The following KRABD5 variants were observed in gnomAD, a reference collection of about 807,000 sequenced individuals.
The protein encoded by KRABD5 is KRAB domain containing 5.
At chr16:31,757,823 AAGAT>A in the KRABD5 span, 2 of 121,796 alleles carry the variant, frequency 1.6e-5, no homozygotes, top group Non-Finnish European at 3.7e-5. Flanking sequence ...AATAGATATA[AAGAT>A]AGGTAGGTAG....
chr16:31,751,986 A>T, the KRABD5 span, among the ~76,000 whole-genome samples: 2 of 152,114 alleles, frequency 1.3e-5, no homozygotes, highest in Non-Finnish European at 2.9e-5. Context: ...AGAACTTTTA[A>T]ATTTCTGCCT....
chr16:31,716,275 G>A, the KRABD5 span, among the ~76,000 whole-genome samples: 2 of 152,206 alleles, frequency 1.3e-5, no homozygotes, highest in Non-Finnish European at 2.9e-5. Flanking sequence ...GTAAGTCAGA[G>A]CATAGCCTTG....
the KRABD5 span, among the ~76,000 whole-genome samples, chr16:31,734,716 C>T: frequency 6.6e-6 from 1 of 151,808 alleles, no homozygotes; most frequent in African/African-American, 2.4e-5. Flanking sequence ...CACTGTTATA[C>T]TCTGCTTATA....
At chr16:31,756,680 C>T in the KRABD5 span, 1 of 152,052 alleles carries the variant, frequency 6.6e-6, no homozygotes, top group Non-Finnish European at 1.5e-5. Flanking sequence ...ACTTAAATGC[C>T]ATACTTTTAA....
the KRABD5 span, among the ~76,000 whole-genome samples, chr16:31,723,798 CAT>C: frequency 1.3e-5 from 2 of 152,108 alleles, no homozygotes; most frequent in Non-Finnish European, 2.9e-5. Flanking sequence ...ATAGATGTCA[CAT>C]ATTTTCTGGT....
the KRABD5 span, among the ~76,000 whole-genome samples, chr16:31,717,039 C>G: frequency 7.7e-6 from 1 of 129,260 alleles, no homozygotes; most frequent in African/African-American, 3.0e-5. Context: ...CTGTGTTGCC[C>G]AGGCTGGAGT....
chr16:31,738,314 A>G, the KRABD5 span, among the ~76,000 whole-genome samples: 1 of 152,100 alleles, frequency 6.6e-6, no homozygotes, highest in African/African-American at 2.4e-5. Flanking sequence ...CTACTATTGT[A>G]CTGCTGGCTA....
the KRABD5 span, among the ~76,000 whole-genome samples, chr16:31,724,895 A>T: frequency 6.6e-6 from 1 of 151,838 alleles, no homozygotes; most frequent in African/African-American, 2.4e-5. Flanking sequence ...ACTTCTATGA[A>T]CTCACCTTTT....
the KRABD5 span, among the ~76,000 whole-genome samples, chr16:31,746,692 A>G: frequency 6.6e-6 from 1 of 152,194 alleles, no homozygotes; most frequent in African/African-American, 2.4e-5. Flanking sequence ...TCACCTGGAT[A>G]ATATCCTGAA....
chr16:31,741,322 A>C, the KRABD5 span, among the ~76,000 whole-genome samples: 1 of 152,228 alleles, frequency 6.6e-6, no homozygotes, highest in African/African-American at 2.4e-5. Flanking sequence ...CATTGGGTAT[A>C]TACTGAGTAA....
chr16:31,745,864 A>G, the KRABD5 span, among the ~76,000 whole-genome samples: 6 of 152,116 alleles, frequency 3.9e-5, no homozygotes, highest in Admixed American at 6.5e-5. Flanking sequence ...TCCCTTTACC[A>G]TTATGTAATA....
the KRABD5 span, among the ~76,000 whole-genome samples, chr16:31,740,530 A>G: frequency 6.6e-6 from 1 of 152,118 alleles, no homozygotes; most frequent in African/African-American, 2.4e-5. Context: ...ATATTTTGCT[A>G]GGCAGAGTGG....
chr16:31,713,378 G>A, the KRABD5 span: 4 of 1,591,692 alleles, frequency 2.5e-6, no homozygotes, highest in South Asian at 3.4e-5. Context: ...CTCTGTGACC[G>A]GCAGGCACCG....
At chr16:31,750,440 C>T in the KRABD5 span, among the ~76,000 whole-genome samples, 3 of 152,276 alleles carry the variant, frequency 2.0e-5, no homozygotes, top group Middle Eastern at 6.8e-3. Context: ...AGCCTTTTGG[C>T]ACAGTCTTTC....
the KRABD5 span, among the ~76,000 whole-genome samples, chr16:31,729,852 A>T: frequency 7.2e-5 from 11 of 152,002 alleles, no homozygotes; most frequent in African/African-American, 2.7e-4. Context: ...AAAACATCAT[A>T]TAACAGCCTA....
the KRABD5 span, among the ~76,000 whole-genome samples, chr16:31,753,253 T>C: frequency 6.6e-6 from 1 of 152,194 alleles, no homozygotes; most frequent in Admixed American, 6.5e-5. Flanking sequence ...TCCCCCTTTG[T>C]TGAGTGTCAT....
chr16:31,723,487 C>T, the KRABD5 span: 1 of 833,136 alleles, frequency 1.2e-6, no homozygotes. Context: ...ATTTCTTTCT[C>T]TTGCTGCTGT....
At chr16:31,744,317 A>G in the KRABD5 span, among the ~76,000 whole-genome samples, 1 of 152,186 alleles carries the variant, frequency 6.6e-6, no homozygotes, top group East Asian at 1.9e-4. Flanking sequence ...TAGTTTATTG[A>G]GAGTTTTTAA....
chr16:31,723,759 T>G, the KRABD5 span, among the ~76,000 whole-genome samples: 1 of 152,204 alleles, frequency 6.6e-6, no homozygotes, highest in African/African-American at 2.4e-5. Context: ...ACAGTAGGAT[T>G]TTTTTCAGAA....
Sources: gnomAD v4.1 joint callset for allele counts (sites outside exome capture counted in the v4.1 genomes callset) on GRCh38, gnomAD v4.1.1 for gene constraint, MANE v1.5 for transcripts, NCBI Gene and HGNC (gene_info 2026-07-23, HGNC 2026-07-21) for gene names.